FMN2: variants seen among roughly 807,000 people sequenced by gnomAD.
FMN2 encodes formin-2.
In FMN2, 51 loss-of-function variants were observed where a neutral mutation model predicts 142.3. The observed-to-expected ratio is 0.36, with a 90% confidence interval of 0.29 to 0.45. The LOEUF (loss-of-function observed/expected upper bound fraction) is 0.45, where lower values mean the gene tolerates loss of function less well. Ranked by LOEUF, FMN2 falls within the 20% of genes least tolerant of loss-of-function variation. The probability of loss-of-function intolerance (pLI) is 1.00; values close to 1 mark genes in which losing one functional copy is unlikely to be tolerated. For synonymous variants in FMN2, 882 were observed against 869.8 expected, an observed-to-expected ratio of 1.01 and a Z score of -0.25; for missense variants, 1,936 against 2,122.8, an observed-to-expected ratio of 0.91 and a Z score of 1.73.
In FMN2 at chr1:240,438,061, C is replaced by T; in HGVS notation, c.4911C>T (p.Cys1637=). ...EENSLTETHK[C]FLETTAYFFM... ...CTTTTGTGTGTGTATGATTTGACAG[C>T]TTTTTGGAGACCACGGCATATTTCT... The change falls in exon 16 of 18, where the codon TGC becomes TGT. Residue 1637 remains cysteine (C), a splice_region_variant and synonymous_variant. Coordinates refer to ENST00000319653, the MANE Select transcript of FMN2 (RefSeq NM_020066.5). 6.2e-7 allele frequency: 1 copy of T among 1,611,830 alleles called. No individual in the cohort carries two copies.
chr1:240,159,905 G>GTA (rs34012500), intron 2 of FMN2, among the ~76,000 whole-genome samples: 11,825 of 119,734 alleles, frequency 0.099, 490 homozygotes, highest in African/African-American at 0.12. Context: ...ATATATCTGT[G>GTA]TATATATATA....
In FMN2 at chr1:240,226,647, C is replaced by G. The variant is rs1038983572; in HGVS notation, c.4065+15412C>G. 3.3e-5 allele frequency among the ~76,000 whole-genome samples: 5 copies of G among 152,132 alleles called. No individual in the cohort carries two copies. The South Asian group carries it at 1.0e-3, about 31-fold the overall frequency. On this transcript the variant is annotated intron_variant, in intron 6 of 17. Transcript: ENST00000319653. ...AAACATAGTATAATTACATAGTTCTCTTAAGTGATAGTTTGTGGCTGCAGT... is the reference window on the plus strand; with the variant it reads ...AAACATAGTATAATTACATAGTTCTGTTAAGTGATAGTTTGTGGCTGCAGT...
intron 16 of FMN2, among the ~76,000 whole-genome samples, chr1:240,460,706 T>C (rs1178596329): frequency 7.4e-6 from 1 of 134,794 alleles, no homozygotes; most frequent in East Asian, 2.0e-4. Context: ...ATGCATATAT[T>C]GATATAAGCA....
At position 240,281,349 on chromosome 1, in the gene FMN2, C is replaced by T. The variant is rs566145419; in HGVS notation, c.4154-13473C>T. 5.9e-5 allele frequency among the ~76,000 whole-genome samples: 9 copies of T among 152,200 alleles called. No homozygotes were observed. The South Asian group carries it at 1.9e-3, about 32-fold the overall frequency. ...AAGATAGTACAAATTAAAGTGATTT[C>T]TAAATTATAGGATATTATAAAAAAT... On this transcript the variant is annotated intron_variant, in intron 7 of 17. Transcript: ENST00000319653.
At chr1:240,180,925 A>G (rs1166550538) in intron 3 of FMN2, among the ~76,000 whole-genome samples, 1 of 151,958 alleles carries the variant, frequency 6.6e-6, no homozygotes, top group African/African-American at 2.4e-5. Context: ...TGAAGAAGAA[A>G]GACTTGCAGG....
At position 240,211,200 on chromosome 1, in the gene FMN2, A is replaced by C; in HGVS notation, c.4030A>C (p.Ile1344Leu). 6.2e-7 allele frequency: 1 copy of C among 1,611,844 alleles called. No individual in the cohort carries two copies. The highest frequency in any genetic ancestry group is 8.5e-7 in the Non-Finnish European group (1 of 1,178,716). ...TGCTGTAAAGGAGAGAAAGAAACCT[A>C]TCTCTGATACTATCTCAAAGACGAA... ...KTAVKERKKP[I>L]SDTISKTKAK... The change falls in exon 6 of 18, where the codon ATC becomes CTC. Residue 1344 changes from isoleucine to leucine, a missense_variant. Physicochemically the swap from Ile to Leu is conservative, Grantham distance 5. Transcript: ENST00000319653.
intron 13 of FMN2, among the ~76,000 whole-genome samples, chr1:240,349,250 C>T (rs1672014850): frequency 6.6e-6 from 1 of 152,160 alleles, no homozygotes; most frequent in South Asian, 2.1e-4. Flanking sequence ...TAAAACTGAA[C>T]CCAGAATAAT....
intron 8 of FMN2, among the ~76,000 whole-genome samples, chr1:240,303,929 C>G (rs1670289313): frequency 1.3e-5 from 2 of 152,090 alleles, no homozygotes; most frequent in South Asian, 4.1e-4. Flanking sequence ...TTTGCTTCCT[C>G]AAATCCGTCT....
intron 7 of FMN2, among the ~76,000 whole-genome samples, chr1:240,272,184 T>A (rs921813611): frequency 6.6e-6 from 1 of 152,158 alleles, no homozygotes; most frequent in Non-Finnish European, 1.5e-5. Flanking sequence ...GCTCAAGGCC[T>A]TCCTCCCCAT....
chr1:240,097,873 A>C (rs1475035781), intron 1 of FMN2, among the ~76,000 whole-genome samples: 1 of 152,086 alleles, frequency 6.6e-6, no homozygotes, highest in Non-Finnish European at 1.5e-5. Flanking sequence ...CGAATGAAAA[A>C]ACCCAGGCTC....
At chr1:240,182,481 C>G (rs1665192958) in intron 3 of FMN2, among the ~76,000 whole-genome samples, 1 of 152,056 alleles carries the variant, frequency 6.6e-6, no homozygotes, top group Non-Finnish European at 1.5e-5. Context: ...AAGAAAGAAA[C>G]AAAGAACCAT....
At chr1:240,156,027 C>T (rs914616411) in intron 2 of FMN2, among the ~76,000 whole-genome samples, 2 of 151,760 alleles carry the variant, frequency 1.3e-5, no homozygotes, top group Non-Finnish European at 2.9e-5. Flanking sequence ...TCCCTTGAGC[C>T]TAGGAGTTTG....
chr1:240,441,433 AG>A (rs200635172), intron 16 of FMN2, among the ~76,000 whole-genome samples: 2,225 of 152,294 alleles, frequency 0.015, 19 homozygotes, highest in Non-Finnish European at 0.022. Context: ...CAGTGTGAGT[AG>A]AACCTCAAGT....
intron 16 of FMN2, among the ~76,000 whole-genome samples, chr1:240,469,137 C>T (rs1026697522): frequency 1.3e-5 from 2 of 152,012 alleles, no homozygotes; most frequent in Admixed American, 6.6e-5. Flanking sequence ...CTGGCAGCAC[C>T]GCTGGGGCTT....
At chr1:240,357,702 G>C (rs1465581664) in intron 14 of FMN2, among the ~76,000 whole-genome samples, 1 of 150,588 alleles carries the variant, frequency 6.6e-6, no homozygotes, top group Non-Finnish European at 1.5e-5. Context: ...CCACCTCCCA[G>C]GTTCAAGTGA....
intron 6 of FMN2, among the ~76,000 whole-genome samples, chr1:240,249,855 G>A (rs1160560712): frequency 6.6e-6 from 1 of 151,868 alleles, no homozygotes; most frequent in Non-Finnish European, 1.5e-5. Context: ...ATTTTTTGTA[G>A]CTATTTGAGA....
At chr1:240,462,515 C>T (rs377582726) in intron 16 of FMN2, among the ~76,000 whole-genome samples, 25 of 152,192 alleles carry the variant, frequency 1.6e-4, no homozygotes, top group South Asian at 8.3e-4. Context: ...AAGAGTTCAC[C>T]GGAAGAAGGA....
At chr1:240,407,408 G>T (rs1674247733) in intron 15 of FMN2, among the ~76,000 whole-genome samples, 1 of 152,146 alleles carries the variant, frequency 6.6e-6, no homozygotes, top group African/African-American at 2.4e-5. Flanking sequence ...CAGAGTGCTA[G>T]GATTACAGGC....
At chr1:240,178,271 C>T (rs568340223) in intron 3 of FMN2, among the ~76,000 whole-genome samples, 3 of 152,140 alleles carry the variant, frequency 2.0e-5, no homozygotes, top group South Asian at 2.1e-4. Context: ...GGGAAGATAG[C>T]GTGAGATCAG....
Sources: gnomAD v4.1 joint callset for allele counts (sites outside exome capture counted in the v4.1 genomes callset) on GRCh38, gnomAD v4.1.1 for gene constraint, MANE v1.5 for transcripts, NCBI Gene and HGNC (gene_info 2026-07-23, HGNC 2026-07-21) for gene names.